ARL15: variants seen among roughly 807,000 people sequenced by gnomAD.
ARL15 encodes ARF like GTPase 15.
Under a neutral mutation model 25.2 loss-of-function variants are expected in ARL15, and 19 were observed. That is an observed-to-expected ratio of 0.75 (90% confidence interval 0.53 to 1.10). The LOEUF (loss-of-function observed/expected upper bound fraction) is 1.10. ARL15 is among the 50% of genes least tolerant of loss of function. ARL15 has a pLI of 0.00. For missense variants in ARL15, 220 were observed against 246.0 expected (o/e 0.89, Z 0.71); for synonymous variants, 94 against 86.8 (o/e 1.08, Z -0.46).
intron 4 of ARL15, among the ~76,000 whole-genome samples, chr5:53,888,173 A>G (rs1340971486): frequency 6.6e-6 from 1 of 152,126 alleles, no homozygotes; most frequent in Non-Finnish European, 1.5e-5. Flanking sequence ...CAGAAAATGG[A>G]TATACAACTT....
chr5:54,167,487 GGCT>G (rs1188108597), intron 2 of ARL15, among the ~76,000 whole-genome samples: 1 of 152,126 alleles, frequency 6.6e-6, no homozygotes, highest in Non-Finnish European at 1.5e-5. Context: ...TGCGTTTCCT[GGCT>G]TGAAAATTGT....
chr5:54,255,771 C>T (rs9292044), intron 1 of ARL15, among the ~76,000 whole-genome samples: 18,635 of 152,018 alleles, frequency 0.12, 1,825 homozygotes, highest in African/African-American at 0.27. Flanking sequence ...TTCAAACGCT[C>T]AAAACTACAC....
chr5:53,997,778 TTAAAAAGAAAA>T (rs1461014024), intron 4 of ARL15, among the ~76,000 whole-genome samples: 1 of 151,830 alleles, frequency 6.6e-6, no homozygotes, highest in Admixed American at 6.6e-5. Flanking sequence ...CAATTTTATT[TTAAAAAGAAAA>T]TAAAAAGAGG....
chr5:54,221,138 C>T (rs1756362365), intron 1 of ARL15, among the ~76,000 whole-genome samples: 1 of 152,110 alleles, frequency 6.6e-6, no homozygotes, highest in African/African-American at 2.4e-5. Flanking sequence ...TTTGTGTTCA[C>T]TTTTAATTTT....
At chr5:54,121,841 C>T (rs1234847279) in intron 3 of ARL15, among the ~76,000 whole-genome samples, 5 of 152,122 alleles carry the variant, frequency 3.3e-5, no homozygotes, top group African/African-American at 1.2e-4. Flanking sequence ...ACTTAATTAC[C>T]TCATAGGATT....
At chr5:54,185,620 A>G (rs910823526) in intron 1 of ARL15, among the ~76,000 whole-genome samples, 1 of 152,178 alleles carries the variant, frequency 6.6e-6, no homozygotes, top group Non-Finnish European at 1.5e-5. Flanking sequence ...ATCAAACCCT[A>G]TGGCAATCAG....
intron 4 of ARL15, among the ~76,000 whole-genome samples, chr5:54,061,918 A>G (rs1751076909): frequency 6.6e-6 from 1 of 152,140 alleles, no homozygotes. Context: ...CAGCCCACGA[A>G]AGCAGCCAGG....
intron 4 of ARL15, among the ~76,000 whole-genome samples, chr5:53,907,488 A>ATATATATATTTTTTTTTG (rs1360900279): frequency 5.6e-5 from 1 of 18,014 alleles, no homozygotes; most frequent in African/African-American, 2.9e-4. Context: ...ATATATATAT[A>ATATATATATTTTTTTTTG]TTTTTTTTTT....
At chr5:53,947,889 G>A (rs1031856424) in intron 4 of ARL15, among the ~76,000 whole-genome samples, 1 of 152,122 alleles carries the variant, frequency 6.6e-6, no homozygotes, top group Non-Finnish European at 1.5e-5. Flanking sequence ...TGGGAAGGAA[G>A]CAAGAATCTA....
At chr5:54,238,579 C>T (rs1164802582) in intron 1 of ARL15, among the ~76,000 whole-genome samples, 1 of 152,114 alleles carries the variant, frequency 6.6e-6, no homozygotes, top group African/African-American at 2.4e-5. Flanking sequence ...ATCTCTAAAG[C>T]CATCTTAAGT....
chr5:54,152,492 A>T (rs1754095394), intron 3 of ARL15, among the ~76,000 whole-genome samples: 1 of 152,140 alleles, frequency 6.6e-6, no homozygotes, highest in South Asian at 2.1e-4. Context: ...GACACAGGAT[A>T]CACAATTGGA....
chr5:54,168,917 T>C (rs909459843), intron 2 of ARL15, among the ~76,000 whole-genome samples: 1 of 152,214 alleles, frequency 6.6e-6, no homozygotes, highest in Non-Finnish European at 1.5e-5. Context: ...ACTGTTTTTA[T>C]CAATACACAA....
chr5:54,159,754 T>C (rs1186987989), intron 2 of ARL15, among the ~76,000 whole-genome samples: 1 of 152,200 alleles, frequency 6.6e-6, no homozygotes, highest in Non-Finnish European at 1.5e-5. Flanking sequence ...TTAATAAATA[T>C]ATGACTTAGT....
At chr5:54,031,222 T>C (rs192828637) in intron 4 of ARL15, among the ~76,000 whole-genome samples, 3 of 152,286 alleles carry the variant, frequency 2.0e-5, no homozygotes, top group Admixed American at 2.0e-4. Context: ...TAAGACTATC[T>C]AGACAAAAAT....
chr5:54,084,172 T>C (rs928222037), intron 4 of ARL15, among the ~76,000 whole-genome samples: 1 of 152,112 alleles, frequency 6.6e-6, no homozygotes, highest in Non-Finnish European at 1.5e-5. Flanking sequence ...AGTGCTCTTG[T>C]ACAATTAGCC....
At chr5:53,915,422 A>G (rs1351661207) in intron 4 of ARL15, among the ~76,000 whole-genome samples, 1 of 152,236 alleles carries the variant, frequency 6.6e-6, no homozygotes, top group Non-Finnish European at 1.5e-5. Flanking sequence ...GGCTGTGGGA[A>G]CACAGAAGAG....
In ARL15 at chr5:54,057,607, T is replaced by C. The variant is rs545464504; in HGVS notation, c.462+55595A>G. Reference sequence around the variant, plus strand: ...GCTCATGCCTGTAATGTCAGCAGTTTGGGAAACTGAGATGGGAGGATCGTT... The same window carrying C: ...GCTCATGCCTGTAATGTCAGCAGTTCGGGAAACTGAGATGGGAGGATCGTT... On this transcript the variant is annotated intron_variant, in intron 4 of 4. Transcript: ENST00000504924. Among the ~76,000 whole-genome samples, 206 of 152,318 alleles carry C rather than the reference T, an allele frequency of 1.4e-3. 1 individual carries two copies. The highest frequency in any genetic ancestry group is 5.8e-3 in the South Asian group (28 of 4,828).
intron 1 of ARL15, among the ~76,000 whole-genome samples, chr5:54,184,123 T>G: frequency 9.4e-6 from 1 of 106,096 alleles, no homozygotes; most frequent in Non-Finnish European, 1.9e-5. Flanking sequence ...GGGGGAGGGA[T>G]AGCATTGGGA....
rs1002922681 is a variant in ARL15 at position 54,130,616 on chromosome 5, T to C, written c.254-17206A>G. Among the ~76,000 whole-genome samples the C allele has an allele frequency of 9.8e-5, 15 of 152,340 alleles. No homozygotes were observed. In the East Asian group the frequency reaches 2.9e-3, roughly 29 times the overall value. On this transcript the variant is annotated intron_variant, in intron 3 of 4. Coordinates refer to ENST00000504924, the MANE Select transcript of ARL15 (RefSeq NM_019087.3). ...CATAGGCTATCGTGAGAAAACTTCA[T>C]GTCAAAATTAGTTGTATTAGTACTG... is the stretch of plus-strand genomic sequence containing the variant.
Sources: gnomAD v4.1 joint callset for allele counts (sites outside exome capture counted in the v4.1 genomes callset) on GRCh38, gnomAD v4.1.1 for gene constraint, MANE v1.5 for transcripts, NCBI Gene and HGNC (gene_info 2026-07-23, HGNC 2026-07-21) for gene names.